The following ROR1 variants were observed in gnomAD, a reference collection of about 807,000 sequenced individuals.
The protein encoded by ROR1 is ROR family WNT receptor 1.
In ROR1, 19 loss-of-function variants were observed where a neutral mutation model predicts 78.8. The ratio of observed to expected loss-of-function variants is 0.24; its 90% CI spans 0.17 to 0.35. The LOEUF (loss-of-function observed/expected upper bound fraction) is 0.35. Among genes scored for constraint, ROR1 ranks in the 10% least tolerant of loss-of-function variants. The pLI, the probability that ROR1 is intolerant of heterozygous loss-of-function variation, is 1.00. For synonymous variants in ROR1, 386 were observed against 433.6 expected (o/e 0.89, Z 1.36); for missense variants, 917 against 1,177.8 (o/e 0.78, Z 3.24).
intron 1 of ROR1, among the ~76,000 whole-genome samples, chr1:63,906,991 A>G (rs1012157719): frequency 9.9e-5 from 15 of 152,252 alleles, no homozygotes; most frequent in African/African-American, 3.1e-4. Context: ...CAGGAGGAAA[A>G]CAAAATGATC....
At chr1:64,013,709 A>T (rs1646495412) in intron 2 of ROR1, among the ~76,000 whole-genome samples, 1 of 152,208 alleles carries the variant, frequency 6.6e-6, no homozygotes, top group Admixed American at 6.5e-5. Context: ...CCCTTTGACC[A>T]TGACATCAAC....
chr1:63,924,277 G>C (rs1191205661), intron 1 of ROR1, among the ~76,000 whole-genome samples: 1 of 152,100 alleles, frequency 6.6e-6, no homozygotes, highest in African/African-American at 2.4e-5. Flanking sequence ...CCACTAGAAG[G>C]TAACTCTGGC....
intron 5 of ROR1, 105 bp from the exon 6 acceptor site, chr1:64,140,004 G>T: frequency 2.9e-6 from 3 of 1,038,576 alleles, no homozygotes; most frequent in South Asian, 1.6e-5. Context: ...GTTTCAGCAC[G>T]GCGGATTCCT....
intron 4 of ROR1, among the ~76,000 whole-genome samples, chr1:64,073,275 T>A (rs566905033): frequency 6.6e-6 from 1 of 152,308 alleles, no homozygotes; most frequent in Non-Finnish European, 1.5e-5. Context: ...GTCCTCATTC[T>A]TGCCCAATCA....
At chr1:63,868,315 A>G (rs1253274286) in intron 1 of ROR1, among the ~76,000 whole-genome samples, 1 of 152,198 alleles carries the variant, frequency 6.6e-6, no homozygotes, top group African/African-American at 2.4e-5. Flanking sequence ...TACTTAAAGC[A>G]TCAATGAGTG....
At chr1:63,990,393 A>G (rs1334073646) in intron 1 of ROR1, among the ~76,000 whole-genome samples, 3 of 152,210 alleles carry the variant, frequency 2.0e-5, no homozygotes, top group African/African-American at 7.2e-5. Flanking sequence ...TTCAATGCCA[A>G]GCGAAATTAT....
intron 4 of ROR1, among the ~76,000 whole-genome samples, chr1:64,107,584 T>C (rs1431486847): frequency 1.3e-5 from 2 of 152,062 alleles, no homozygotes; most frequent in African/African-American, 4.8e-5. Flanking sequence ...CTAGGGGTCT[T>C]TTTTTTAAGT....
intron 1 of ROR1, among the ~76,000 whole-genome samples, chr1:63,998,646 C>T (rs1439952596): frequency 6.6e-6 from 1 of 152,138 alleles, no homozygotes; most frequent in Non-Finnish European, 1.5e-5. Context: ...ACAAAAGGAA[C>T]TGAAAGTTTA....
Position 64,181,251 on chromosome 1 carries a change from T to C in ROR1, c.*2396T>C, listed in dbSNP as rs1400020734. ...ACTTGATATAGATTTTCTTCAAATATATAATGGCAATTTTCAGATATCTCA... is the reference window on the plus strand; with the variant it reads ...ACTTGATATAGATTTTCTTCAAATACATAATGGCAATTTTCAGATATCTCA... On this transcript the variant is annotated 3_prime_UTR_variant, in exon 9 of 9. Transcript: ENST00000371079. The C allele has an allele frequency of 6.6e-6, 1 of 152,158 alleles. No homozygotes were observed. The highest frequency in any genetic ancestry group is 1.5e-5 in the Non-Finnish European group (1 of 67,988). 9.4% of individuals were successfully genotyped at this position (152,158 alleles called of 1,614,324 possible).
chr1:63,777,698 T>C (rs1644625724), intron 1 of ROR1, among the ~76,000 whole-genome samples: 1 of 152,186 alleles, frequency 6.6e-6, no homozygotes, highest in Admixed American at 6.5e-5. Context: ...GCTCTGAAAT[T>C]AGTATCAGGT....
At chr1:63,866,528 A>G (rs891635557) in intron 1 of ROR1, among the ~76,000 whole-genome samples, 6 of 152,158 alleles carry the variant, frequency 3.9e-5, no homozygotes, top group African/African-American at 1.4e-4. Context: ...TATAGATGGG[A>G]ATTGGCTGAA....
At chr1:64,168,548 A>T (rs926788517) in intron 8 of ROR1, among the ~76,000 whole-genome samples, 3 of 152,178 alleles carry the variant, frequency 2.0e-5, no homozygotes, top group Non-Finnish European at 4.4e-5. Flanking sequence ...TATATTGTAT[A>T]TACAGTATCA....
chr1:63,832,887 G>A (rs1644997116), intron 1 of ROR1, among the ~76,000 whole-genome samples: 1 of 152,206 alleles, frequency 6.6e-6, no homozygotes, highest in Admixed American at 6.5e-5. Flanking sequence ...TTCACCAGGT[G>A]TGTTGAGTTA....
intron 7 of ROR1, among the ~76,000 whole-genome samples, chr1:64,151,700 C>T (rs1649626870): frequency 7.5e-6 from 1 of 132,458 alleles, no homozygotes; most frequent in South Asian, 2.9e-4. Context: ...TGGTGAAACC[C>T]CATCTCTACT....
chr1:64,055,464 G>A (rs1646866454), intron 4 of ROR1, among the ~76,000 whole-genome samples: 1 of 152,192 alleles, frequency 6.6e-6, no homozygotes, highest in Non-Finnish European at 1.5e-5. Context: ...ACAGTATGCA[G>A]TTGTGGTCAC....
chr1:63,905,011 C>T (rs1467408768), intron 1 of ROR1, among the ~76,000 whole-genome samples: 2 of 152,090 alleles, frequency 1.3e-5, no homozygotes, highest in Non-Finnish European at 2.9e-5. Flanking sequence ...TGTTACAGCT[C>T]CTCATCCTTC....
chr1:63,917,644 C>G (rs551304769), intron 1 of ROR1, among the ~76,000 whole-genome samples: 1 of 152,078 alleles, frequency 6.6e-6, no homozygotes, highest in African/African-American at 2.4e-5. Context: ...TTACTTTATC[C>G]AAAAGGAGTA....
chr1:63,997,785 A>G (rs561050934), intron 1 of ROR1, among the ~76,000 whole-genome samples: 1 of 149,514 alleles, frequency 6.7e-6, no homozygotes, highest in African/African-American at 2.5e-5. Flanking sequence ...TACATTAAAC[A>G]CTCTTCAGGC....
intron 7 of ROR1, chr1:64,142,901 C>G: frequency 7.5e-7 from 1 of 1,328,366 alleles, no homozygotes; most frequent in Non-Finnish European, 9.7e-7. Context: ...AGGGACCCAG[C>G]CCTTCAGAGG....
Sources: gnomAD v4.1 joint callset for allele counts (sites outside exome capture counted in the v4.1 genomes callset) on GRCh38, gnomAD v4.1.1 for gene constraint, MANE v1.5 for transcripts, NCBI Gene and HGNC (gene_info 2026-07-23, HGNC 2026-07-21) for gene names.